Variants in NTNG1 observed in about 807,000 individuals in gnomAD.
The protein encoded by NTNG1 is netrin-G1.
Under a neutral mutation model 54.0 loss-of-function variants are expected in NTNG1, and 16 were observed. That is an observed-to-expected ratio of 0.30 (90% CI 0.20 to 0.45). The LOEUF is 0.45. Among genes scored for constraint, NTNG1 ranks in the 20% least tolerant of loss-of-function variants. The pLI, the probability that NTNG1 is intolerant of heterozygous loss-of-function variation, is 1.00. For synonymous variants in NTNG1, 255 were observed against 263.1 expected, an observed-to-expected ratio of 0.97 and a Z score of 0.30; for missense variants, 530 against 678.7, an observed-to-expected ratio of 0.78 and a Z score of 2.43.
chr1:107,480,569 T>TAG, intron 7 of NTNG1, 42 bp from the exon 8 acceptor site: 1 of 609,592 alleles, frequency 1.6e-6, no homozygotes, highest in Non-Finnish European at 3.1e-6. Flanking sequence ...CTGCTTCTCC[T>TAG]CCCCGCGCCC....
In NTNG1 at chr1:107,173,819, G is replaced by A. The variant is rs532342042; in HGVS notation, c.246+24980G>A. Among the ~76,000 whole-genome samples the A allele has an allele frequency of 3.4e-3, 507 of 150,412 alleles. 4 individuals are homozygous for A. Among genetic ancestry groups the A allele is most frequent in the African/African-American group, 0.012 (488 of 40,868 alleles). ...AGAAAATACTTCAGAGTCACACTGA[G>A]AGTTTGTTTTGTCCTGGAAGGTAGA... On this transcript the variant is annotated intron_variant, in intron 2 of 7. Transcript: ENST00000370068.
intron 6 of NTNG1, among the ~76,000 whole-genome samples, chr1:107,431,979 A>C (rs965980289): frequency 2.5e-4 from 38 of 152,296 alleles, no homozygotes; most frequent in Admixed American, 2.4e-3. Flanking sequence ...AAGTGTCACA[A>C]AAAAAAGCTG....
chr1:107,214,904 A>T (rs973250040), intron 2 of NTNG1, among the ~76,000 whole-genome samples: 14 of 148,352 alleles, frequency 9.4e-5, no homozygotes, highest in African/African-American at 3.3e-4. Flanking sequence ...ATTGTTTCAT[A>T]TTTTTTTTGG....
At chr1:107,381,216 A>C (rs571999657) in intron 3 of NTNG1, among the ~76,000 whole-genome samples, 1 of 152,016 alleles carries the variant, frequency 6.6e-6, no homozygotes, top group African/African-American at 2.4e-5. Context: ...TGTCATCTCT[A>C]TTTTACAGAT....
intron 2 of NTNG1, among the ~76,000 whole-genome samples, chr1:107,223,640 T>A (rs1319946180): frequency 1.3e-5 from 2 of 152,212 alleles, no homozygotes; most frequent in African/African-American, 4.8e-5. Context: ...ATGGTATTTA[T>A]TAATTTTTCT....
At chr1:107,290,960 A>AT (rs1665545208) in intron 2 of NTNG1, among the ~76,000 whole-genome samples, 3 of 125,696 alleles carry the variant, frequency 2.4e-5, no homozygotes, top group South Asian at 2.6e-4. Flanking sequence ...GCATATATAT[A>AT]TATTATATAT....
chr1:107,414,072 C>G (rs886363053), intron 5 of NTNG1, among the ~76,000 whole-genome samples: 2 of 152,196 alleles, frequency 1.3e-5, no homozygotes, highest in African/African-American at 4.8e-5. Flanking sequence ...AACTCTACCT[C>G]TAAAGCTTTC....
At chr1:107,421,272 A>G (rs1270271000) in intron 5 of NTNG1, 3 of 642,706 alleles carry the variant, frequency 4.7e-6, no homozygotes, top group Non-Finnish European at 8.4e-6. Context: ...ACTAATATCA[A>G]TCAATGCATC....
intron 4 of NTNG1, among the ~76,000 whole-genome samples, chr1:107,399,293 A>G (rs76708118): frequency 0.018 from 2,680 of 152,314 alleles, 85 homozygotes; most frequent in African/African-American, 0.061. Flanking sequence ...GCCTAGCCAT[A>G]GAAATGTCAT....
chr1:107,166,505 G>A lies in NTNG1; in HGVS notation c.246+17666G>A, dbSNP rs1411397759. Among the ~76,000 whole-genome samples, 3 of 152,040 alleles carry A rather than the reference G, an allele frequency of 2.0e-5. No individual in the cohort carries two copies. The East Asian group carries it at 5.8e-4, about 29-fold the overall frequency. On this transcript the variant is annotated intron_variant, in intron 2 of 7. Transcript: ENST00000370068. ...ATGCACAGTACTAGATAAAATAGGA[G>A]GAAAGTGGTATACAAAAGTAAGTTG...
At chr1:107,316,943 G>A (rs1667369857) in intron 2 of NTNG1, among the ~76,000 whole-genome samples, 1 of 152,190 alleles carries the variant, frequency 6.6e-6, no homozygotes, top group African/African-American at 2.4e-5. Flanking sequence ...GAAGCCAGAT[G>A]CTATTGGAAG....
chr1:107,227,394 G>A (rs1265151127), intron 2 of NTNG1, among the ~76,000 whole-genome samples: 4 of 152,072 alleles, frequency 2.6e-5, no homozygotes, highest in South Asian at 2.1e-4. Flanking sequence ...GCTGGAGGAT[G>A]CTGTGAGTAG....
In NTNG1 at chr1:107,325,407, C is replaced by T. The variant is rs1667896917; in HGVS notation, c.887+485C>T. Among the ~76,000 whole-genome samples, 3 of 152,028 alleles carry T rather than the reference C, an allele frequency of 2.0e-5. No individual in the cohort carries two copies. In the South Asian group the frequency reaches 6.2e-4, roughly 32 times the overall value. ...AAATTTATTAAATCAGAATCAATAG[C>T]ATGTAGGAAACATTTGTTAAATTGG... is the stretch of plus-strand genomic sequence containing the variant. On this transcript the variant is annotated intron_variant, in intron 3 of 7. Coordinates refer to ENST00000370068, the MANE Select transcript of NTNG1 (RefSeq NM_001113226.3).
At chr1:107,223,317 G>A (rs1361777558) in intron 2 of NTNG1, among the ~76,000 whole-genome samples, 2 of 151,936 alleles carry the variant, frequency 1.3e-5, no homozygotes, top group Non-Finnish European at 2.9e-5. Context: ...AAGAGTTTCT[G>A]GAAGAAAACA....
At chr1:107,352,722 C>A (rs890456597) in intron 3 of NTNG1, among the ~76,000 whole-genome samples, 2 of 152,188 alleles carry the variant, frequency 1.3e-5, no homozygotes, top group Non-Finnish European at 2.9e-5. Context: ...AGCTTAAAGG[C>A]GGGCAGCTCA....
At chr1:107,327,597 C>T (rs1668037659) in intron 3 of NTNG1, among the ~76,000 whole-genome samples, 1 of 152,056 alleles carries the variant, frequency 6.6e-6, no homozygotes. Context: ...AGTTCTTGTT[C>T]CTTGCACCCG....
chr1:107,374,518 ATCT>A (rs1249484178), intron 3 of NTNG1, among the ~76,000 whole-genome samples: 1 of 152,052 alleles, frequency 6.6e-6, no homozygotes, highest in Admixed American at 6.5e-5. Flanking sequence ...CATTCAGTGT[ATCT>A]TTTTTTACAG....
At chr1:107,346,436 C>T (rs2101942629) in intron 3 of NTNG1, among the ~76,000 whole-genome samples, 1 of 152,258 alleles carries the variant, frequency 6.6e-6, no homozygotes, top group South Asian at 2.1e-4. Flanking sequence ...CAGGTAGTGG[C>T]ATGGACATGA....
intron 7 of NTNG1, among the ~76,000 whole-genome samples, chr1:107,471,371 A>T (rs780557202): frequency 6.6e-6 from 1 of 152,320 alleles, no homozygotes; most frequent in Non-Finnish European, 1.5e-5. Context: ...AATTAAAAGC[A>T]GGAAAGCAAG....
Sources: gnomAD v4.1 joint callset for allele counts (sites outside exome capture counted in the v4.1 genomes callset) on GRCh38, gnomAD v4.1.1 for gene constraint, MANE v1.5 for transcripts, NCBI Gene and HGNC (gene_info 2026-07-23, HGNC 2026-07-21) for gene names.